OR52N4: variants seen among roughly 807,000 people sequenced by gnomAD.
OR52N4 encodes the protein olfactory receptor 52N4.
A neutral mutation model predicts 15.0 loss-of-function variants in OR52N4; 15 were observed. The observed-to-expected ratio is 1.00, with a 90% confidence interval of 0.67 to 1.54. OR52N4 has a LOEUF of 1.54. Ranked by LOEUF, OR52N4 falls within the 40% of genes most tolerant of loss-of-function variation. The pLI is 0.00. For missense variants in OR52N4, 421 were observed against 394.0 expected (o/e 1.07, Z -0.58); for synonymous variants, 143 against 143.7 (o/e 1.00, Z 0.03).
chr11:5,738,766 CT>C, the OR52N4 span, among the ~76,000 whole-genome samples: 122,970 of 148,800 alleles, frequency 0.83, 51,046 homozygotes, highest in Non-Finnish European at 0.86. Flanking sequence ...TCTTTTCTTT[CT>C]TTTTTTTTTA....
the OR52N4 span, among the ~76,000 whole-genome samples, chr11:5,743,008 CACAG>C: frequency 6.6e-6 from 1 of 151,984 alleles, no homozygotes. Context: ...ACCCAATGAG[CACAG>C]ACATTCACAG....
the OR52N4 span, among the ~76,000 whole-genome samples, chr11:5,733,006 G>A: frequency 6.9e-4 from 105 of 152,064 alleles, 2 homozygotes; most frequent in Non-Finnish European, 9.3e-4. Context: ...TTTACATCCA[G>A]TATAACTTCT....
Position 5,754,978 on chromosome 11 carries a change from A to G in OR52N4, c.238A>G (p.Ile80Val). ...FTDLVMCSST[I>V]PKALCIFWFH... ...TGACCTTGTTATGTGCTCTAGTACA[A>G]TCCCTAAAGCCCTCTGCATCTTCTG... The change falls in exon 2 of 2, where the codon ATC becomes GTC. Residue 80 changes from isoleucine to valine, a missense_variant. Ile to Val is a conservative substitution (Grantham distance 29). Coordinates refer to ENST00000641350, the MANE Select transcript of OR52N4 (RefSeq NM_001005175.5). 2 of 1,613,806 alleles carry G rather than the reference A, an allele frequency of 1.2e-6. No individual in the cohort carries two copies. The highest frequency in any genetic ancestry group is 1.1e-5 in the South Asian group (1 of 91,070).
At chr11:5,743,318 A>G in the OR52N4 span, among the ~76,000 whole-genome samples, 1 of 152,182 alleles carries the variant, frequency 6.6e-6, no homozygotes, top group Non-Finnish European at 1.5e-5. Flanking sequence ...ACCACCCTAG[A>G]CAGATCACTG....
the OR52N4 span, among the ~76,000 whole-genome samples, chr11:5,738,965 C>A: frequency 1.1e-4 from 10 of 87,818 alleles, 1 homozygote; most frequent in Non-Finnish European, 2.3e-4. Context: ...GTCTGTTATA[C>A]ATTATATAAT....
At chr11:5,737,231 T>C in the OR52N4 span, 1 of 1,614,128 alleles carries the variant, frequency 6.2e-7, no homozygotes, top group South Asian at 1.1e-5. Flanking sequence ...TAGACTGAAC[T>C]CAGCTGAAGC....
the OR52N4 span, chr11:5,737,389 C>A: frequency 6.2e-7 from 1 of 1,614,012 alleles, no homozygotes; most frequent in South Asian, 1.1e-5. Flanking sequence ...ACAACATCAT[C>A]CCCCCTTCCC....
At chr11:5,745,933 C>A in the OR52N4 span, among the ~76,000 whole-genome samples, 1 of 152,078 alleles carries the variant, frequency 6.6e-6, no homozygotes, top group African/African-American at 2.4e-5. Flanking sequence ...TGTGTCCTTA[C>A]CCAGCTTTGG....
upstream of OR52N4, among the ~76,000 whole-genome samples, chr11:5,753,812 G>C (rs1043306843): frequency 6.6e-6 from 1 of 151,882 alleles, no homozygotes; most frequent in Non-Finnish European, 1.5e-5. Context: ...GACCAATATA[G>C]TGAAACCCCA....
At chr11:5,736,518 T>C in the OR52N4 span, 16 of 1,613,216 alleles carry the variant, frequency 9.9e-6, no homozygotes, top group East Asian at 3.3e-4. Context: ...TGTTGAATCA[T>C]GAATCATATG....
chr11:5,751,793 G>A (rs559174395), upstream of OR52N4, among the ~76,000 whole-genome samples: 1 of 152,162 alleles, frequency 6.6e-6, no homozygotes, highest in East Asian at 1.9e-4. Flanking sequence ...AATATAAGTT[G>A]ATTTTCATAA....
chr11:5,743,525 A>G, the OR52N4 span, among the ~76,000 whole-genome samples: 1 of 152,214 alleles, frequency 6.6e-6, no homozygotes, highest in Non-Finnish European at 1.5e-5. Flanking sequence ...CTGAAATAAT[A>G]TCAAGCATAT....
chr11:5,729,409 C>A, the OR52N4 span, among the ~76,000 whole-genome samples: 1 of 152,200 alleles, frequency 6.6e-6, no homozygotes, highest in East Asian at 1.9e-4. Context: ...CGTGAGCCAC[C>A]GTGCCCGGCC....
chr11:5,744,595 G>A, the OR52N4 span, among the ~76,000 whole-genome samples: 1 of 152,230 alleles, frequency 6.6e-6, no homozygotes, highest in Non-Finnish European at 1.5e-5. Flanking sequence ...TGCCCCTGAG[G>A]CCTAACATAT....
the OR52N4 span, among the ~76,000 whole-genome samples, chr11:5,734,958 T>C: frequency 1.3e-5 from 2 of 152,252 alleles, no homozygotes; most frequent in East Asian, 1.9e-4. Context: ...TGGGAGTATA[T>C]GTTTATTCAA....
rs1384075248 is a variant in OR52N4, at chr11:5,755,437, G to A, written c.697G>A (p.Ala233Thr). The A allele has an allele frequency of 6.2e-7, 1 of 1,613,942 alleles. No individual in the cohort carries two copies. Among genetic ancestry groups the A allele is most frequent in the African/African-American group, 1.3e-5 (1 of 74,900 alleles). ...CCGGGCAGTGGTCAGCCTCTCCTCAGCAGATGCTCGGCAGAAGGCCTTTAA... is the reference window on the plus strand; with the variant it reads ...CCGGGCAGTGGTCAGCCTCTCCTCAACAGATGCTCGGCAGAAGGCCTTTAA... Reference protein sequence around the residue: ...ILRAVVSLSSADARQKAFNTC... With the variant: ...ILRAVVSLSSTDARQKAFNTC... The change falls in exon 2 of 2, where the codon GCA becomes ACA. Residue 233 changes from alanine to threonine, a missense_variant. Ala to Thr is a moderately conservative substitution (Grantham distance 58, BLOSUM62 0). Coordinates refer to ENST00000641350, the MANE Select transcript of OR52N4 (RefSeq NM_001005175.5).
the OR52N4 span, among the ~76,000 whole-genome samples, chr11:5,731,164 C>A: frequency 6.6e-6 from 1 of 152,136 alleles, no homozygotes; most frequent in Non-Finnish European, 1.5e-5. Flanking sequence ...TAAGTGAGCA[C>A]TGGACTAATG....
chr11:5,729,731 C>G, the OR52N4 span, among the ~76,000 whole-genome samples: 1 of 152,174 alleles, frequency 6.6e-6, no homozygotes, highest in African/African-American at 2.4e-5. Flanking sequence ...TGATCAACCC[C>G]TTATACACCT....
At chr11:5,743,616 A>G in the OR52N4 span, among the ~76,000 whole-genome samples, 2 of 152,150 alleles carry the variant, frequency 1.3e-5, no homozygotes, top group African/African-American at 4.8e-5. Flanking sequence ...AAATCAAACA[A>G]CCTGCTTCTG....
Sources: allele counts gnomAD v4.1 joint callset (sites outside exome capture counted in the v4.1 genomes callset), GRCh38; gene constraint gnomAD v4.1.1; transcripts MANE v1.5; gene names NCBI Gene and HGNC (gene_info 2026-07-23, HGNC 2026-07-21).